TACC2: variants seen among roughly 807,000 people sequenced by gnomAD.
TACC2 encodes the protein transforming acidic coiled-coil containing protein 2, also known as transforming acidic coiled-coil-containing protein 2.
Under a neutral mutation model 227.3 loss-of-function variants are expected in TACC2, and 137 were observed. The ratio of observed to expected loss-of-function variants is 0.60; its 90% CI spans 0.52 to 0.69. The LOEUF (loss-of-function observed/expected upper bound fraction) is 0.69. Among genes scored for constraint, TACC2 ranks in the 30% least tolerant of loss-of-function variants. The pLI is 0.00. For missense variants in TACC2, 3,470 were observed against 3,694.4 expected, an observed-to-expected ratio of 0.94 and a Z score of 1.57; for synonymous variants, 1,523 against 1,487.5, an observed-to-expected ratio of 1.02 and a Z score of -0.55.
intron 18 of TACC2, among the ~76,000 whole-genome samples, chr10:122,238,250 G>T (rs965185337): frequency 1.3e-5 from 2 of 152,106 alleles, no homozygotes; most frequent in African/African-American, 2.4e-5. Flanking sequence ...TCAAATAAAT[G>T]TATGTACAAT....
intron 2 of TACC2, among the ~76,000 whole-genome samples, chr10:122,044,698 T>TA: frequency 6.7e-6 from 1 of 148,868 alleles, no homozygotes; most frequent in Non-Finnish European, 1.5e-5. Flanking sequence ...TTTTTTTTTT[T>TA]ATGGTGAAAT....
chr10:122,111,250 G>A (rs7071289), intron 5 of TACC2, among the ~76,000 whole-genome samples: 75,683 of 152,002 alleles, frequency 0.5, 19,039 homozygotes, highest in East Asian at 0.66. Context: ...TGAAGATGTG[G>A]CCATCTTGCC....
chr10:122,044,770 T>C (rs950997188), intron 2 of TACC2, among the ~76,000 whole-genome samples: 1 of 151,932 alleles, frequency 6.6e-6, no homozygotes, highest in African/African-American at 2.4e-5. Flanking sequence ...TGTTTAAAGA[T>C]TGCTTTAAAA....
At chr10:122,046,009 T>TAA (rs1163931339) in intron 2 of TACC2, among the ~76,000 whole-genome samples, 4 of 149,718 alleles carry the variant, frequency 2.7e-5, no homozygotes, top group Admixed American at 6.7e-5. Flanking sequence ...CCATCTCTAC[T>TAA]AAAAAAAAAT....
rs1460295396 is a variant in TACC2 at position 122,083,620 on chromosome 10, G to C, written c.1120G>C (p.Gly374Arg). 6.2e-7 allele frequency: 1 copy of C among 1,611,720 alleles called. No homozygotes were observed. The highest frequency in any genetic ancestry group is 1.1e-5 in the South Asian group (1 of 91,082). ...GGCTCTGGACACCATTGATGTTCAG[G>C]GTCACCCACAGACAGGGATGCGAGG... ...KEALDTIDVQ[G>R]HPQTGMRGTK... The change falls in exon 4 of 23, where the codon GGT becomes CGT. Residue 374 changes from glycine (G) to arginine (R), a missense_variant. Transcript: ENST00000369005.
chr10:122,084,665 A>G lies in TACC2; in HGVS notation c.2165A>G (p.Asp722Gly), dbSNP rs1319428254. 1 of 1,613,558 alleles carries G rather than the reference A, an allele frequency of 6.2e-7. No individual in the cohort carries two copies. Among genetic ancestry groups the G allele is most frequent in the East Asian group, 2.2e-5 (1 of 44,882 alleles). Residue 722 changes from aspartate to glycine, a missense_variant, in exon 4 of 23, where the codon GAT (aspartate) becomes GGT (glycine). Asp to Gly is a moderately conservative substitution (Grantham distance 94, BLOSUM62 -1). Transcript: ENST00000369005. ...SFLTLESEKS[D>G]FPPTPVAEVA... is the part of the protein sequence containing the mutation. Reference sequence around the variant, plus strand: ...CTGACTTTAGAATCAGAGAAATCAGATTTTCCACCAACTCCTGTTGCAGAG... The same window carrying G: ...CTGACTTTAGAATCAGAGAAATCAGGTTTTCCACCAACTCCTGTTGCAGAG...
chr10:122,025,005 C>T (rs1957805673), intron 2 of TACC2, among the ~76,000 whole-genome samples: 1 of 152,130 alleles, frequency 6.6e-6, no homozygotes, highest in Non-Finnish European at 1.5e-5. Flanking sequence ...TCTAGAGTTG[C>T]TAAAGCATTT....
At chr10:122,037,452 C>T (rs549358368) in intron 2 of TACC2, among the ~76,000 whole-genome samples, 3 of 152,340 alleles carry the variant, frequency 2.0e-5, no homozygotes, top group Admixed American at 6.5e-5. Context: ...GAGCAGCTGA[C>T]GGTGAACTTG....
At chr10:122,021,900 C>A in intron 1 of TACC2, 37 bp from the exon 2 acceptor site, 2 of 1,311,636 alleles carry the variant, frequency 1.5e-6, no homozygotes, top group Non-Finnish European at 2.2e-6. Flanking sequence ...GATCTTTTTT[C>A]ATTTCACAGA....
chr10:122,190,940 G>A (rs1352844634), intron 7 of TACC2, among the ~76,000 whole-genome samples: 2 of 152,184 alleles, frequency 1.3e-5, no homozygotes, highest in African/African-American at 4.8e-5. Context: ...TGAGCTTGCT[G>A]AAAATGTTTG....
At chr10:122,229,545 C>T in intron 15 of TACC2, 59 bp downstream of exon 15, 8 of 1,586,026 alleles carry the variant, frequency 5.0e-6, no homozygotes, top group Non-Finnish European at 6.9e-6. Flanking sequence ...GAGAATGAAC[C>T]CCCGAGGCCC....
At chr10:122,163,854 C>G in intron 7 of TACC2, 1 of 1,508,412 alleles carries the variant, frequency 6.6e-7, no homozygotes, top group Non-Finnish European at 8.9e-7. Flanking sequence ...CGCCCCGGCT[C>G]CCGGCTGCAG....
chr10:122,087,218 G>C lies in TACC2; in HGVS notation c.4718G>C (p.Arg1573Thr). ...PAATQELPVE[R>T]AAAFQVAPHS... ...GCTACTCAGGAGCTCCCTGTGGAGA[G>C]AGCTGCTGCCTTCCAGGTGGCTCCC... Residue 1573 changes from arginine to threonine, a missense_variant, in exon 4 of 23, where the codon AGA (arginine) becomes ACA (threonine). This residue lies in a region of TACC2 where 1,924 missense variants were observed against 1,978.3 expected (regional missense o/e 0.97). Transcript: ENST00000369005. The C allele has an allele frequency of 6.2e-7, 1 of 1,613,096 alleles. No individual in the cohort carries two copies.
Position 122,050,812 on chromosome 10 carries a change from G to A in TACC2, c.146+262G>A, listed in dbSNP as rs529734561. The A allele has an allele frequency of 1.1e-5, 5 of 455,178 alleles. No individual in the cohort carries two copies. The highest frequency in any genetic ancestry group is 2.0e-5 in the Non-Finnish European group (5 of 256,200). The allele number at this position is 455,178 out of a possible 1,614,324, so 28.2% of individuals were successfully genotyped here. A position where few individuals can be genotyped will look rare whatever the true frequency, so the allele number is the denominator to read the frequency against. Reference sequence around the variant, plus strand: ...ACTTCCATTCCAGCCACACTCCAGAGTATCTTCATTGTCAGAACTTAAAAT... The same window carrying A: ...ACTTCCATTCCAGCCACACTCCAGAATATCTTCATTGTCAGAACTTAAAAT... On this transcript the variant is annotated intron_variant, in intron 3 of 22. Transcript: ENST00000369005. The surrounding 1 kb of genome is among the most constrained non-coding windows in gnomAD (Gnocchi z 4.6).
In TACC2 at chr10:122,083,662, G is replaced by A. The variant is rs2079787245; in HGVS notation, c.1162G>A (p.Val388Ile). Residue 388 changes from valine (V) to isoleucine (I), a missense_variant, in exon 4 of 23, where the codon GTT (valine) becomes ATT (isoleucine). Val to Ile is a conservative substitution (Grantham distance 29). This residue lies in a region of TACC2 where 1,924 missense variants were observed against 1,978.3 expected (regional missense o/e 0.97). Transcript: ENST00000369005. ...GATGCGAGGAACCAAGCCCAATCAA[G>A]TTGTCTGTGTGGCAGCAGGCGGCCA... ...TGMRGTKPNQ[V>I]VCVAAGGQPE... 7.4e-6 allele frequency: 12 copies of A among 1,611,634 alleles called. No homozygotes were observed. Among genetic ancestry groups the A allele is most frequent in the Non-Finnish European group, 9.3e-6 (11 of 1,180,034 alleles).
intron 7 of TACC2, chr10:122,164,144 G>C (rs142734080): frequency 3.4e-6 from 3 of 889,280 alleles, no homozygotes; most frequent in Non-Finnish European, 5.2e-6. Context: ...ACCTGGGGCT[G>C]CTCTGGGAGG....
chr10:122,059,530 C>T (rs2076569521), intron 3 of TACC2, among the ~76,000 whole-genome samples: 1 of 150,438 alleles, frequency 6.6e-6, no homozygotes, highest in Admixed American at 6.8e-5. Flanking sequence ...AATTCGCATA[C>T]AGACTCATGC....
intron 15 of TACC2, among the ~76,000 whole-genome samples, chr10:122,229,822 C>T (rs1345053900): frequency 1.3e-5 from 2 of 152,114 alleles, no homozygotes; most frequent in Non-Finnish European, 2.9e-5. Flanking sequence ...TGAGCCAAGC[C>T]GTTTATATAT....
In TACC2 at chr10:122,210,348, C is replaced by T. The variant is rs764730047; in HGVS notation, c.5972-49C>T. ...GTTTTGGTACAAGAGGAGAGGTGCC[C>T]CAATGCGTCCTGTGTCTGTAATTGA... On this transcript the variant is annotated intron_variant, in intron 8 of 22. Transcript: ENST00000369005. This position sits in a 1 kb window ranked among gnomAD's most constrained non-coding sequence, Gnocchi z 4.6. 9.7e-6 allele frequency: 14 copies of T among 1,440,364 alleles called. No homozygotes were observed. The highest frequency in any genetic ancestry group is 1.4e-5 in the Non-Finnish European group (14 of 1,023,162). The allele number at this position is 1,440,364 out of a possible 1,614,324, so 89.2% of individuals were successfully genotyped here.
Sources: gnomAD v4.1 joint callset for allele counts (sites outside exome capture counted in the v4.1 genomes callset) on GRCh38, gnomAD v4.1.1 for gene constraint, gnomAD v4.1.1 regional missense constraint, Gnocchi (gnomAD v3.1) non-coding constraint, MANE v1.5 for transcripts, NCBI Gene and HGNC (gene_info 2026-07-23, HGNC 2026-07-21) for gene names.